PLCXD3: variants seen among roughly 807,000 people sequenced by gnomAD.
The protein encoded by PLCXD3 is phosphatidylinositol specific phospholipase C X domain containing 3.
A neutral mutation model predicts 25.5 loss-of-function variants in PLCXD3; 19 were observed. The ratio of observed to expected loss-of-function variants is 0.75; its 90% CI spans 0.52 to 1.09. The LOEUF (loss-of-function observed/expected upper bound fraction) is 1.09, where lower values mean the gene tolerates loss of function less well. PLCXD3 is among the 50% of genes least tolerant of loss of function. PLCXD3 has a pLI of 0.00. For synonymous variants in PLCXD3, 174 were observed against 137.6 expected (o/e 1.26, Z -1.85); for missense variants, 411 against 388.1 (o/e 1.06, Z -0.50).
chr5:41,475,581 T>C (rs1748264267), intron 1 of PLCXD3: 1 of 533,790 alleles, frequency 1.9e-6, no homozygotes, highest in Non-Finnish European at 3.8e-6. Flanking sequence ...TGTTTATCCC[T>C]GTAGGCCTCT....
At chr5:41,500,384 C>G (rs550664614) in intron 1 of PLCXD3, among the ~76,000 whole-genome samples, 2 of 151,446 alleles carry the variant, frequency 1.3e-5, no homozygotes, top group Non-Finnish European at 3.0e-5. Context: ...CATGTACATA[C>G]GAATGTAGCG....
intron 2 of PLCXD3, among the ~76,000 whole-genome samples, chr5:41,333,222 T>A (rs58713658): frequency 0.029 from 4,377 of 152,144 alleles, 201 homozygotes; most frequent in African/African-American, 0.1. Context: ...TCTGCAAAGT[T>A]TAAAATAATG....
intron 1 of PLCXD3, among the ~76,000 whole-genome samples, chr5:41,471,126 G>A (rs13354386): frequency 6.6e-6 from 1 of 152,220 alleles, no homozygotes; most frequent in Admixed American, 6.5e-5. Context: ...TGGAATAATA[G>A]AAGGCTCCAC....
chr5:41,493,153 A>G (rs1414190585), intron 1 of PLCXD3, among the ~76,000 whole-genome samples: 2 of 152,208 alleles, frequency 1.3e-5, no homozygotes, highest in East Asian at 3.9e-4. Flanking sequence ...TCTAACAGAC[A>G]GAACCCTCAG....
In PLCXD3 at chr5:41,429,342, G is replaced by T. The variant is rs78635087; in HGVS notation, c.104-46808C>A. The stretch of plus-strand genomic sequence containing the variant: ...ACACTGCTACTGGGGATGGGGGAAG[G>T]GCACATTCAGTATCAGGAGATTCTC... On this transcript the variant is annotated intron_variant, in intron 1 of 2. Coordinates refer to ENST00000377801, the MANE Select transcript of PLCXD3 (RefSeq NM_001005473.3). Among the ~76,000 whole-genome samples the T allele has an allele frequency of 6.8e-3, 1,039 of 152,148 alleles. 13 individuals carry two copies. The highest frequency in any genetic ancestry group is 0.024 in the African/African-American group (997 of 41,502).
chr5:41,463,257 G>T (rs1370654864), intron 1 of PLCXD3, among the ~76,000 whole-genome samples: 1 of 151,974 alleles, frequency 6.6e-6, no homozygotes, highest in Admixed American at 6.6e-5. Context: ...ATCTCTCACA[G>T]TTCTGAAGGC....
intron 1 of PLCXD3, among the ~76,000 whole-genome samples, chr5:41,436,921 T>C (rs1256177154): frequency 6.6e-6 from 1 of 152,216 alleles, no homozygotes; most frequent in Non-Finnish European, 1.5e-5. Flanking sequence ...GGAAAACATA[T>C]ATACTTAAAT....
At chr5:41,320,062 A>T (rs897046354) in intron 2 of PLCXD3, among the ~76,000 whole-genome samples, 1 of 152,152 alleles carries the variant, frequency 6.6e-6, no homozygotes, top group Non-Finnish European at 1.5e-5. Context: ...CTAGGAAAAA[A>T]ATTCAAAACC....
At chr5:41,317,822 A>G (rs1743346363) in intron 2 of PLCXD3, among the ~76,000 whole-genome samples, 1 of 152,090 alleles carries the variant, frequency 6.6e-6, no homozygotes, top group Non-Finnish European at 1.5e-5. Flanking sequence ...TACAGAGGAG[A>G]CAAAAGAAAA....
At chr5:41,421,875 C>A (rs765421091) in intron 1 of PLCXD3, among the ~76,000 whole-genome samples, 1 of 152,094 alleles carries the variant, frequency 6.6e-6, no homozygotes, top group Non-Finnish European at 1.5e-5. Flanking sequence ...CAGTGAGATT[C>A]CAAGTCCTGG....
At chr5:41,422,850 A>C (rs1746861273) in intron 1 of PLCXD3, among the ~76,000 whole-genome samples, 1 of 152,158 alleles carries the variant, frequency 6.6e-6, no homozygotes, top group African/African-American at 2.4e-5. Flanking sequence ...CCCAGTGCTA[A>C]ATAGCAGTAA....
In PLCXD3 at chr5:41,330,649, C is replaced by G. The variant is rs538334342; in HGVS notation, c.813-16879G>C. On this transcript the variant is annotated intron_variant, in intron 2 of 2. Coordinates refer to ENST00000377801, the MANE Select transcript of PLCXD3 (RefSeq NM_001005473.3). ...TGGGCCGAAACACAACCAAAAAAGACAATTTTAGACCAATATCCTTGATGA... is the reference window on the plus strand; with the variant it reads ...TGGGCCGAAACACAACCAAAAAAGAGAATTTTAGACCAATATCCTTGATGA... 9.7e-4 allele frequency among the ~76,000 whole-genome samples: 147 copies of G among 152,170 alleles called. 1 individual carries two copies. In the South Asian group the frequency reaches 0.014, roughly 15 times the overall value.
At chr5:41,488,678 A>G (rs1425340147) in intron 1 of PLCXD3, among the ~76,000 whole-genome samples, 1 of 146,766 alleles carries the variant, frequency 6.8e-6, no homozygotes, top group African/African-American at 2.6e-5. Context: ...TCTGATGGCC[A>G]GTGATGGTGA....
intron 1 of PLCXD3, among the ~76,000 whole-genome samples, chr5:41,507,364 G>C (rs923169935): frequency 1.3e-5 from 2 of 152,276 alleles, no homozygotes; most frequent in Admixed American, 1.3e-4. Context: ...GCTGAAATTG[G>C]AGTAACTGTC....
rs1319091280 is a variant in PLCXD3 at position 41,488,084 on chromosome 5, G to A, written c.103+22340C>T. 5.4e-4 allele frequency among the ~76,000 whole-genome samples: 48 copies of A among 88,824 alleles called. No individual in the cohort carries two copies. In the East Asian group the frequency reaches 0.011, roughly 19 times the overall value. 58.3% of individuals were successfully genotyped at this position (88,824 alleles called of 152,430 possible). On this transcript the variant is annotated intron_variant, in intron 1 of 2. Transcript: ENST00000377801. ...CCTCCCCCCTCCCCCCTCCCCCCAC[G>A]CCACAACAGTCCCCAGAGTGTGATG...
intron 1 of PLCXD3, among the ~76,000 whole-genome samples, chr5:41,471,263 A>G (rs2150520032): frequency 6.6e-6 from 1 of 152,324 alleles, no homozygotes; most frequent in East Asian, 1.9e-4. Flanking sequence ...TGAAAGAGGC[A>G]CTGATAGTCT....
At chr5:41,419,144 A>C (rs1380383851) in intron 1 of PLCXD3, among the ~76,000 whole-genome samples, 4 of 148,460 alleles carry the variant, frequency 2.7e-5, no homozygotes, top group African/African-American at 1.1e-4. Flanking sequence ...AAAGGTAATA[A>C]TGTTAAGGAA....
chr5:41,329,885 T>G (rs1206551225), intron 2 of PLCXD3, among the ~76,000 whole-genome samples: 1 of 150,800 alleles, frequency 6.6e-6, no homozygotes, highest in Non-Finnish European at 1.5e-5. Flanking sequence ...AGAAATGTAT[T>G]ATAAATCCAT....
At chr5:41,425,523 G>A (rs1438446565) in intron 1 of PLCXD3, among the ~76,000 whole-genome samples, 2 of 151,876 alleles carry the variant, frequency 1.3e-5, no homozygotes, top group Non-Finnish European at 2.9e-5. Context: ...TTTTCTCTTT[G>A]TATTATACAT....
Sources: allele counts gnomAD v4.1 joint callset (sites outside exome capture counted in the v4.1 genomes callset), GRCh38; gene constraint gnomAD v4.1.1; transcripts MANE v1.5; gene names NCBI Gene and HGNC (gene_info 2026-07-23, HGNC 2026-07-21).